DSTYK: variants seen among roughly 807,000 people sequenced by gnomAD.
The protein encoded by DSTYK is dual serine/threonine and tyrosine protein kinase.
In DSTYK, 34 loss-of-function variants were observed where a neutral mutation model predicts 98.7. That is an observed-to-expected ratio of 0.34 (90% CI 0.26 to 0.46). The LOEUF is 0.46. DSTYK is among the 20% of genes least tolerant of loss of function. The pLI is 1.00. For missense variants in DSTYK, 962 were observed against 1,181.7 expected (o/e 0.81, Z 2.73); for synonymous variants, 462 against 457.3 (o/e 1.01, Z -0.13).
intron 1 of DSTYK, among the ~76,000 whole-genome samples, chr1:205,189,324 A>C (rs868768373): frequency 2.0e-5 from 3 of 152,298 alleles, no homozygotes; most frequent in African/African-American, 7.2e-5. Flanking sequence ...CTCAGCCTGA[A>C]CTATATCACT....
intron 1 of DSTYK, among the ~76,000 whole-genome samples, 160 bp from the exon 2 acceptor site, chr1:205,187,966 C>A (rs546420838): frequency 6.6e-6 from 1 of 152,004 alleles, no homozygotes; most frequent in Non-Finnish European, 1.5e-5. Context: ...AGGGAAAAAA[C>A]CCCAGTGAGA....
intron 3 of DSTYK, among the ~76,000 whole-genome samples, chr1:205,166,886 A>G (rs1657905276): frequency 6.6e-6 from 1 of 152,216 alleles, no homozygotes; most frequent in African/African-American, 2.4e-5. Context: ...TGATTCTCCA[A>G]AGACGTACTG....
intron 1 of DSTYK, among the ~76,000 whole-genome samples, chr1:205,207,532 C>T (rs1210413562): frequency 3.3e-5 from 5 of 150,342 alleles, no homozygotes; most frequent in Non-Finnish European, 5.9e-5. Context: ...AGGCAGATCG[C>T]TTGAGGTCAG....
intron 2 of DSTYK, chr1:205,173,055 T>C (rs1658114537): frequency 6.6e-6 from 1 of 152,142 alleles, no homozygotes; most frequent in African/African-American, 2.4e-5. Context: ...ATGACAACAT[T>C]ATAATCACAT....
At chr1:205,158,291 T>C (rs1657618922) in intron 9 of DSTYK, among the ~76,000 whole-genome samples, 3 of 152,158 alleles carry the variant, frequency 2.0e-5, no homozygotes, top group Admixed American at 2.0e-4. Flanking sequence ...ATTTCTAAGG[T>C]TTCCTCTGCC....
intron 1 of DSTYK, among the ~76,000 whole-genome samples, chr1:205,201,916 G>A (rs1397607126): frequency 6.6e-6 from 1 of 152,048 alleles, no homozygotes; most frequent in Non-Finnish European, 1.5e-5. Flanking sequence ...AAAATTAGCC[G>A]GTCGTGGTGG....
intron 1 of DSTYK, among the ~76,000 whole-genome samples, chr1:205,210,658 T>G (rs897044598): frequency 2.7e-4 from 41 of 152,210 alleles, no homozygotes; most frequent in African/African-American, 8.0e-4. Flanking sequence ...TTCTTCACCT[T>G]AAGCATGAGC....
Position 205,157,342 on chromosome 1 carries a change from C to T in DSTYK, c.2283G>A (p.Val761=). 1 of 1,614,138 alleles carries T rather than the reference C, an allele frequency of 6.2e-7. No homozygotes were observed. The highest frequency in any genetic ancestry group is 8.5e-7 in the Non-Finnish European group (1 of 1,180,016). The part of the protein sequence containing the change: ...LETRLQIALD[V]VEGIRFLHSQ... ...TGTGCAGGAAGCGGATTCCCTCCACCACATCTAGTGCTATCTGCAAACGTG... is the reference window on the plus strand; with the variant it reads ...TGTGCAGGAAGCGGATTCCCTCCACTACATCTAGTGCTATCTGCAAACGTG... Residue 761 remains valine (V), a synonymous_variant, in exon 10 of 13, where the codon GTG becomes GTA. Transcript: ENST00000367162.
Position 205,163,907 on chromosome 1 carries a change from T to G in DSTYK, c.1373A>C (p.Lys458Thr). Residue 458 changes from lysine to threonine, a missense_variant, in exon 4 of 13, where the codon AAA (lysine) becomes ACA (threonine). Coordinates refer to ENST00000367162, the MANE Select transcript of DSTYK (RefSeq NM_015375.3). The part of the protein sequence containing the change: ...NGEPVGTREI[K>T]CCIRQIQELI... ...TTCCTGGATCTGTCGGATGCAGCAT[T>G]TGATCTCTCTGGTGCCTACTGGTTC... is the stretch of plus-strand genomic sequence containing the variant. 1.2e-6 allele frequency: 2 copies of G among 1,614,116 alleles called. No individual in the cohort carries two copies. Among genetic ancestry groups the G allele is most frequent in the South Asian group, 2.2e-5 (2 of 91,082 alleles).
chr1:205,153,109 G>C (rs1382700748), intron 10 of DSTYK, among the ~76,000 whole-genome samples: 1 of 152,188 alleles, frequency 6.6e-6, no homozygotes, highest in Admixed American at 6.5e-5. Context: ...CCTAAAGGTC[G>C]AAGAGAATAA....
At chr1:205,200,890 T>G (rs1659011868) in intron 1 of DSTYK, among the ~76,000 whole-genome samples, 1 of 152,186 alleles carries the variant, frequency 6.6e-6, no homozygotes, top group South Asian at 2.1e-4. Context: ...ACAGGGTGAC[T>G]ATAGTCAATA....
rs1657220664 is a variant in DSTYK, at chr1:205,146,009, TC to T, written c.*1548del. 6.6e-6 allele frequency: 1 copy of T among 152,140 alleles called. No homozygotes were observed. Among genetic ancestry groups the T allele is most frequent in the Non-Finnish European group, 1.5e-5 (1 of 68,028 alleles). The allele number at this position is 152,140 out of a possible 1,614,324, so 9.4% of individuals were successfully genotyped here. On this transcript the variant is annotated 3_prime_UTR_variant, in exon 13 of 13. Coordinates refer to ENST00000367162, the MANE Select transcript of DSTYK (RefSeq NM_015375.3). ...AGACCACCCACCCGCCTCCCACCTT[TC>T]AGGGAAACTTCCCAGACACTAGCAC...
chr1:205,192,786 C>T (rs1658749659), intron 1 of DSTYK, among the ~76,000 whole-genome samples: 3 of 152,054 alleles, frequency 2.0e-5, no homozygotes, highest in Non-Finnish European at 2.9e-5. Flanking sequence ...TGCTTGAACC[C>T]GGGAGGCAGA....
chr1:205,188,196 G>A (rs1272503884), intron 1 of DSTYK, among the ~76,000 whole-genome samples: 2 of 152,164 alleles, frequency 1.3e-5, no homozygotes, highest in African/African-American at 2.4e-5. Flanking sequence ...GTTGGGATGT[G>A]AGCCCAAGGA....
chr1:205,198,267 G>A (rs1658926527), intron 1 of DSTYK, among the ~76,000 whole-genome samples: 1 of 152,130 alleles, frequency 6.6e-6, no homozygotes, highest in South Asian at 2.1e-4. Context: ...GCCTGTAGTG[G>A]CCCCTTATGT....
At chr1:205,211,226 G>A (rs1386301530) in intron 1 of DSTYK, 45 bp downstream of exon 1, 5 of 1,540,874 alleles carry the variant, frequency 3.2e-6, no homozygotes, top group Non-Finnish European at 4.4e-6. Context: ...TCCGTCCTCC[G>A]ATTTGCCTCT....
At position 205,162,092 on chromosome 1, in the gene DSTYK, G is replaced by A; in HGVS notation, c.1762C>T (p.Gln588Ter). Residue 588 changes from glutamine to a stop codon, truncating the protein, a stop_gained, in exon 6 of 13, where the codon CAA becomes TAA. Transcript: ENST00000367162. LOFTEE classifies it high-confidence loss of function. ...ASKLAKSICS[Q>*]FRTRLNSSHE... ...GAACTATTGAGCCGAGTCCGGAATT[G>A]GCTGCAAATGCTCTTAGCCAATTTG... is the stretch of plus-strand genomic sequence containing the variant. 2 of 1,614,114 alleles carry A rather than the reference G, an allele frequency of 1.2e-6. No individual in the cohort carries two copies. Among genetic ancestry groups the A allele is most frequent in the Non-Finnish European group, 1.7e-6 (2 of 1,180,006 alleles).
intron 1 of DSTYK, among the ~76,000 whole-genome samples, chr1:205,191,338 T>G (rs1574790099): frequency 6.6e-6 from 1 of 152,242 alleles, no homozygotes; most frequent in Non-Finnish European, 1.5e-5. Context: ...CAGATGGTTT[T>G]ACTCCTGGAT....
chr1:205,175,138 G>A (rs1658191519), intron 2 of DSTYK, among the ~76,000 whole-genome samples: 1 of 146,258 alleles, frequency 6.8e-6, no homozygotes, highest in Non-Finnish European at 1.5e-5. Flanking sequence ...GTCTCGCTCT[G>A]TTGCCCAGGC....
Sources: gnomAD v4.1 joint callset for allele counts (sites outside exome capture counted in the v4.1 genomes callset) on GRCh38, gnomAD v4.1.1 for gene constraint, MANE v1.5 for transcripts, NCBI Gene and HGNC (gene_info 2026-07-23, HGNC 2026-07-21) for gene names.